ANKH: variants seen among roughly 807,000 people sequenced by gnomAD.
The protein encoded by ANKH is ANKH inorganic pyrophosphate transport regulator.
ANKH carries 15 observed loss-of-function variants against 49.0 expected under a neutral mutation model. The ratio of observed to expected loss-of-function variants is 0.31; its 90% CI spans 0.20 to 0.47. The LOEUF (loss-of-function observed/expected upper bound fraction) is 0.47. Ranked by LOEUF, ANKH falls within the 20% of genes least tolerant of loss-of-function variation. The pLI, the probability that ANKH is intolerant of heterozygous loss-of-function variation, is 1.00. For missense variants in ANKH, 429 were observed against 652.0 expected, an observed-to-expected ratio of 0.66 and a Z score of 3.72; for synonymous variants, 273 against 260.0, an observed-to-expected ratio of 1.05 and a Z score of -0.48.
chr5:14,756,091 A>G (rs1738875969), intron 3 of ANKH, 147 bp from the exon 4 acceptor site: 1 of 731,880 alleles, frequency 1.4e-6, no homozygotes, highest in African/African-American at 1.7e-5. Flanking sequence ...TTGGTTGGTA[A>G]AATTACTGTA....
At chr5:14,855,257 C>T (rs1742222589) in intron 1 of ANKH, among the ~76,000 whole-genome samples, 1 of 152,236 alleles carries the variant, frequency 6.6e-6, no homozygotes, top group African/African-American at 2.4e-5. Flanking sequence ...CCCCTGGTCT[C>T]TTCCTCCCAG....
chr5:14,755,332 G>A lies in ANKH; in HGVS notation c.516+529C>T, dbSNP rs116685296. On this transcript the variant is annotated intron_variant, in intron 4 of 11. Transcript: ENST00000284268. Reference sequence around the variant, plus strand: ...GGGATGTAGGCCTTCTTCTCAGACCGCGTGGAAAGGTAGCTGAATCCACTT... The same window carrying A: ...GGGATGTAGGCCTTCTTCTCAGACCACGTGGAAAGGTAGCTGAATCCACTT... Among the ~76,000 whole-genome samples the A allele has an allele frequency of 4.3e-3, 650 of 152,294 alleles. 4 individuals carry two copies. The highest frequency in any genetic ancestry group is 0.015 in the African/African-American group (618 of 41,568).
At chr5:14,817,761 C>G (rs1230535230) in intron 1 of ANKH, among the ~76,000 whole-genome samples, 3 of 152,112 alleles carry the variant, frequency 2.0e-5, no homozygotes, top group Non-Finnish European at 2.9e-5. Flanking sequence ...GTGTGTCAAC[C>G]CCCTCTTTCA....
At chr5:14,836,383 C>T (rs981570642) in intron 1 of ANKH, among the ~76,000 whole-genome samples, 4 of 152,290 alleles carry the variant, frequency 2.6e-5, no homozygotes, top group Admixed American at 6.5e-5. Context: ...CATCTCAGCC[C>T]CAAATCTGCT....
In ANKH at chr5:14,745,474, C is replaced by G. The variant is rs964145914; in HGVS notation, c.915+396G>C. ...AGGCCAGCCCACAGAAAGACAGCCA[C>G]GCACGGCTTCCTGCCTACACCTTAG... On this transcript the variant is annotated intron_variant, in intron 7 of 11. Transcript: ENST00000284268. The surrounding 1 kb of genome is among the most constrained non-coding windows in gnomAD (Gnocchi z 4.7). Among the ~76,000 whole-genome samples the G allele has an allele frequency of 1.3e-5, 2 of 152,080 alleles. No individual in the cohort carries two copies. The highest frequency in any genetic ancestry group is 4.8e-5 in the African/African-American group (2 of 41,398).
At chr5:14,786,915 T>C (rs1739995888) in intron 1 of ANKH, among the ~76,000 whole-genome samples, 1 of 152,232 alleles carries the variant, frequency 6.6e-6, no homozygotes, top group Admixed American at 6.5e-5. Flanking sequence ...TAATAATCCA[T>C]GTGTCCACCA....
chr5:14,848,649 C>T (rs566720090), intron 1 of ANKH, among the ~76,000 whole-genome samples: 10 of 152,188 alleles, frequency 6.6e-5, no homozygotes, highest in African/African-American at 2.4e-4. Flanking sequence ...GGCTGGGGCT[C>T]GCCATTGTTC....
intron 1 of ANKH, among the ~76,000 whole-genome samples, chr5:14,855,239 G>A (rs1742222009): frequency 6.6e-6 from 1 of 152,190 alleles, no homozygotes; most frequent in Non-Finnish European, 1.5e-5. Flanking sequence ...TAGGATCCCA[G>A]AGCAAAGCCC....
intron 2 of ANKH, among the ~76,000 whole-genome samples, chr5:14,761,112 A>C (rs961081183): frequency 6.6e-6 from 1 of 152,128 alleles, no homozygotes; most frequent in African/African-American, 2.4e-5. Flanking sequence ...CTCCTCTACA[A>C]GCCCAGGAAT....
At chr5:14,780,778 T>G (rs1739781830) in intron 1 of ANKH, among the ~76,000 whole-genome samples, 1 of 152,230 alleles carries the variant, frequency 6.6e-6, no homozygotes, top group Non-Finnish European at 1.5e-5. Flanking sequence ...TTATTTTGTC[T>G]CGTTCAGAAC....
chr5:14,756,802 G>A (rs1451880028), intron 3 of ANKH, among the ~76,000 whole-genome samples: 1 of 152,114 alleles, frequency 6.6e-6, no homozygotes, highest in Non-Finnish European at 1.5e-5. Context: ...GGGGTGGGGA[G>A]GGAGGAGTTG....
Position 14,871,623 on chromosome 5 carries a change from A to G in ANKH, c.-176T>C. 1 of 170,614 alleles carries G rather than the reference A, an allele frequency of 5.9e-6. No individual in the cohort carries two copies. 10.6% of individuals were successfully genotyped at this position (170,614 alleles called of 1,614,324 possible). On this transcript the variant is annotated 5_prime_UTR_variant, in exon 1 of 12. Coordinates refer to ENST00000284268, the MANE Select transcript of ANKH (RefSeq NM_054027.6). ...CCTCGCGGCTGCGGCGCCTTCTCCG[A>G]GCGCGGCTGCTCTAGCAGGGGATCC...
Position 14,707,948 on chromosome 5 carries a change from T to C in ANKH, c.*3249A>G, listed in dbSNP as rs1359394543. On this transcript the variant is annotated 3_prime_UTR_variant, in exon 12 of 12. Transcript: ENST00000284268. ...TACCCAGAAATGCAAACAAGTGGCC[T>C]TCTGTGCCCCATTTAAAGAATCCCA... 1 of 152,228 alleles carries C rather than the reference T, an allele frequency of 6.6e-6. No homozygotes were observed. Among genetic ancestry groups the C allele is most frequent in the African/African-American group, 2.4e-5 (1 of 41,462 alleles). The allele number at this position is 152,228 out of a possible 1,614,324, so 9.4% of individuals were successfully genotyped here.
At chr5:14,791,109 T>C (rs1001128653) in intron 1 of ANKH, among the ~76,000 whole-genome samples, 2 of 152,152 alleles carry the variant, frequency 1.3e-5, no homozygotes, top group African/African-American at 4.8e-5. Flanking sequence ...AGTGGCAATA[T>C]TGGGACTTTG....
Position 14,866,976 on chromosome 5 carries a change from G to A in ANKH, c.96+4376C>T, listed in dbSNP as rs144925533. Among the ~76,000 whole-genome samples the A allele has an allele frequency of 2.7e-3, 404 of 152,060 alleles. 3 individuals are homozygous for A. The highest frequency in any genetic ancestry group is 9.1e-3 in the African/African-American group (379 of 41,476). ...GTTGAAGACCAGCCTGGGCAACATG[G>A]TGAAACCCCGTCTCTACAAAATATA... is the stretch of plus-strand genomic sequence containing the variant. On this transcript the variant is annotated intron_variant, in intron 1 of 11. Coordinates refer to ENST00000284268, the MANE Select transcript of ANKH (RefSeq NM_054027.6).
chr5:14,766,869 C>T (rs924060851), intron 2 of ANKH, among the ~76,000 whole-genome samples: 5 of 152,166 alleles, frequency 3.3e-5, no homozygotes, highest in African/African-American at 9.7e-5. Flanking sequence ...CATACAATGG[C>T]TTTTCGAGTC....
At chr5:14,788,458 T>C (rs1212627537) in intron 1 of ANKH, among the ~76,000 whole-genome samples, 1 of 152,216 alleles carries the variant, frequency 6.6e-6, no homozygotes, top group Admixed American at 6.5e-5. Flanking sequence ...TGTTAACTTT[T>C]TATGGCCATC....
chr5:14,859,816 C>T (rs1331484461), intron 1 of ANKH, among the ~76,000 whole-genome samples: 3 of 152,132 alleles, frequency 2.0e-5, no homozygotes, highest in Non-Finnish European at 4.4e-5. Context: ...TCACTTAGAG[C>T]CTAAAGGAAA....
intron 1 of ANKH, among the ~76,000 whole-genome samples, chr5:14,777,185 C>G (rs960780545): frequency 1.3e-5 from 2 of 152,242 alleles, no homozygotes; most frequent in African/African-American, 4.8e-5. Flanking sequence ...ACTCTGGAGG[C>G]TGAGGCAGAA....
Sources: allele counts gnomAD v4.1 joint callset (sites outside exome capture counted in the v4.1 genomes callset), GRCh38; gene constraint gnomAD v4.1.1; non-coding constraint Gnocchi (gnomAD v3.1); transcripts MANE v1.5; gene names NCBI Gene and HGNC (gene_info 2026-07-23, HGNC 2026-07-21).